The following COL15A1 variants were observed in gnomAD, a reference collection of about 807,000 sequenced individuals.
The protein encoded by COL15A1 is collagen type XV alpha 1 chain.
A neutral mutation model predicts 165.9 loss-of-function variants in COL15A1; 111 were observed. That is an observed-to-expected ratio of 0.67 (90% confidence interval 0.57 to 0.78). The LOEUF is 0.78. Among genes scored for constraint, COL15A1 ranks in the 30% least tolerant of loss-of-function variants. The probability of loss-of-function intolerance (pLI) is 0.00; values close to 1 mark genes in which losing one functional copy is unlikely to be tolerated. For synonymous variants in COL15A1, 659 were observed against 674.8 expected (o/e 0.98, Z 0.36); for missense variants, 1,745 against 1,789.7 (o/e 0.98, Z 0.45).
chr9:99,040,447 G>A, intron 22 of COL15A1, 74 bp from the exon 23 acceptor site: 1 of 1,612,490 alleles, frequency 6.2e-7, no homozygotes. Context: ...GGAAGGGGCT[G>A]GGAGGGAGGG....
At chr9:99,062,332 A>G (rs767905620) in intron 38 of COL15A1, 28 bp downstream of exon 38, 3 of 1,542,028 alleles carry the variant, frequency 1.9e-6, no homozygotes, top group Non-Finnish European at 1.8e-6. Flanking sequence ...TGGACTGCTC[A>G]TGCATTCATT....
At chr9:98,978,275 C>G (rs1417820744) in intron 2 of COL15A1, among the ~76,000 whole-genome samples, 1 of 152,204 alleles carries the variant, frequency 6.6e-6, no homozygotes, top group Non-Finnish European at 1.5e-5. Context: ...CTGGTTTAAG[C>G]AATGAGCTTT....
chr9:98,970,997 C>T (rs1308088449), intron 2 of COL15A1, among the ~76,000 whole-genome samples: 1 of 152,054 alleles, frequency 6.6e-6, no homozygotes, highest in East Asian at 1.9e-4. Context: ...CAGATTTGTA[C>T]TGTGTATTTG....
chr9:99,050,831 T>C (rs528130973), intron 30 of COL15A1, among the ~76,000 whole-genome samples: 5 of 152,200 alleles, frequency 3.3e-5, no homozygotes, highest in Non-Finnish European at 7.3e-5. Context: ...GCTTGGGTCA[T>C]AGCCTTCAAA....
At chr9:99,024,317 G>T (rs1326412012) in intron 14 of COL15A1, among the ~76,000 whole-genome samples, 3 of 114,546 alleles carry the variant, frequency 2.6e-5, no homozygotes, top group Non-Finnish European at 5.3e-5. Flanking sequence ...GTCTTGCTCT[G>T]TCGCCCAGGC....
chr9:99,042,252 C>T, intron 24 of COL15A1, 145 bp downstream of exon 24: 1 of 611,146 alleles, frequency 1.6e-6, no homozygotes, highest in Non-Finnish European at 2.9e-6. Flanking sequence ...TTGTACAATT[C>T]AGTGATTTTT....
At chr9:98,952,549 A>G (rs1383129618) in intron 2 of COL15A1, among the ~76,000 whole-genome samples, 2 of 152,130 alleles carry the variant, frequency 1.3e-5, no homozygotes, top group Admixed American at 6.5e-5. Context: ...AATGAACCAT[A>G]GATTAGGATA....
chr9:98,990,980 A>G (rs2118905584), intron 5 of COL15A1, among the ~76,000 whole-genome samples: 1 of 152,224 alleles, frequency 6.6e-6, no homozygotes, highest in Non-Finnish European at 1.5e-5. Context: ...TGTCTTCAAG[A>G]GTAAAGCTGC....
At position 99,038,684 on chromosome 9, in the gene COL15A1, C is replaced by T. The variant is rs199906142; in HGVS notation, c.2426C>T (p.Thr809Ile). ...TCTTTTCAGTCCTTGATCAATATCA[C>T]CCATGGATTCATGAATTTCTCGGAC... ...KVLSNSLINITHGFMNFSDIP... is the reference protein window; with the variant it reads ...KVLSNSLINIIHGFMNFSDIP... The change falls in exon 22 of 42, where the codon ACC becomes ATC. Residue 809 changes from threonine to isoleucine, a missense_variant. Transcript: ENST00000375001. 7.7e-5 allele frequency: 123 copies of T among 1,606,544 alleles called. 1 individual carries two copies. Among genetic ancestry groups the T allele is most frequent in the Non-Finnish European group, 4.1e-5 (48 of 1,173,240 alleles).
chr9:99,045,666 A>G (rs1325792823), intron 26 of COL15A1, among the ~76,000 whole-genome samples: 1 of 152,232 alleles, frequency 6.6e-6, no homozygotes. Flanking sequence ...TGAGGAAACT[A>G]AGGCCCAAGG....
intron 13 of COL15A1, 101 bp downstream of exon 13, chr9:99,022,251 A>G (rs557252396): frequency 8.7e-6 from 13 of 1,490,972 alleles, no homozygotes; most frequent in East Asian, 2.3e-5. Flanking sequence ...CCCCCAAAGT[A>G]TCTTGCAGTC....
At position 98,985,618 on chromosome 9, in the gene COL15A1, C is replaced by A; in HGVS notation, c.154C>A (p.Pro52Thr). ...CACGCAGCTCATCGGTGTCCCGCTGCCCTCGTCCGTATCCTTTGTCACAGG... is the reference window on the plus strand; with the variant it reads ...CACGCAGCTCATCGGTGTCCCGCTGACCTCGTCCGTATCCTTTGTCACAGG... ...DLTQLIGVPL[P>T]SSVSFVTGYG... Residue 52 changes from proline (P) to threonine (T), a missense_variant, in exon 3 of 42, where the codon CCC becomes ACC. Coordinates refer to ENST00000375001, the MANE Select transcript of COL15A1 (RefSeq NM_001855.5). 1 of 1,614,270 alleles carries A rather than the reference C, an allele frequency of 6.2e-7. No individual in the cohort carries two copies. The highest frequency in any genetic ancestry group is 8.5e-7 in the Non-Finnish European group (1 of 1,180,042).
intron 5 of COL15A1, among the ~76,000 whole-genome samples, chr9:98,989,630 G>A (rs1437966454): frequency 6.6e-6 from 1 of 152,206 alleles, no homozygotes; most frequent in African/African-American, 2.4e-5. Flanking sequence ...ATCTCATAGG[G>A]TTGTTTCCAG....
intron 12 of COL15A1, among the ~76,000 whole-genome samples, chr9:99,020,712 C>T (rs1839011818): frequency 1.3e-5 from 2 of 152,322 alleles, no homozygotes; most frequent in South Asian, 2.1e-4. Flanking sequence ...TCAAAGGGTC[C>T]TATGATTCCA....
chr9:99,026,010 G>A (rs1839118648), intron 16 of COL15A1, 44 bp downstream of exon 16: 3 of 1,560,232 alleles, frequency 1.9e-6, no homozygotes, highest in African/African-American at 1.4e-5. Flanking sequence ...GAGCCACCAG[G>A]CCCACACTAC....
rs1271365289 is a variant in COL15A1, at chr9:99,062,232, GT to G, written c.3532-8del. 1.2e-5 allele frequency: 19 copies of G among 1,612,796 alleles called. No homozygotes were observed. Among genetic ancestry groups the G allele is most frequent in the Admixed American group, 1.7e-5 (1 of 59,996 alleles). ...AATTGATCTTTCATTTCAATGTACTGTTTTTCTTAAAGCTGGGAGAACTGAT... is the reference window on the plus strand; with the variant it reads ...AATTGATCTTTCATTTCAATGTACTGTTTTCTTAAAGCTGGGAGAACTGAT... On this transcript the variant is annotated splice_polypyrimidine_tract_variant and intron_variant, in intron 37 of 41. Coordinates refer to ENST00000375001, the MANE Select transcript of COL15A1 (RefSeq NM_001855.5).
chr9:99,028,907 G>A (rs957484439), intron 16 of COL15A1, among the ~76,000 whole-genome samples: 3 of 152,174 alleles, frequency 2.0e-5, no homozygotes, highest in African/African-American at 4.8e-5. Context: ...ATTATTCTAT[G>A]CTGAGTTCGA....
At chr9:98,979,029 G>A (rs1375312542) in intron 2 of COL15A1, among the ~76,000 whole-genome samples, 2 of 152,020 alleles carry the variant, frequency 1.3e-5, no homozygotes, top group Non-Finnish European at 2.9e-5. Flanking sequence ...AGTACATCTT[G>A]ATTGTTTCAT....
rs569033418 is a variant in COL15A1, at chr9:99,034,520, G to T, written c.2044-29G>T. The T allele has an allele frequency of 8.1e-6, 12 of 1,475,554 alleles. No individual in the cohort carries two copies. In the Admixed American group the frequency reaches 2.5e-4, roughly 31 times the overall value. The allele number at this position is 1,475,554 out of a possible 1,614,324, so 91.4% of individuals were successfully genotyped here. A position where few individuals can be genotyped will look rare whatever the true frequency, so the allele number is the denominator to read the frequency against. ...CACCTCATGACATATGCATTAATTG[G>T]TCCATGTTTTTGTTTTTGTTTTTTT... On this transcript the variant is annotated intron_variant, in intron 16 of 41. Transcript: ENST00000375001.
Sources: allele counts gnomAD v4.1 joint callset (sites outside exome capture counted in the v4.1 genomes callset), GRCh38; gene constraint gnomAD v4.1.1; transcripts MANE v1.5; gene names NCBI Gene and HGNC (gene_info 2026-07-23, HGNC 2026-07-21).